Variants in PRH1 observed in about 807,000 individuals in gnomAD.
PRH1 encodes the protein salivary acidic proline-rich phosphoprotein 1/2.
A neutral mutation model predicts 7.9 loss-of-function variants in PRH1; 7 were observed. The observed-to-expected ratio is 0.89, with a 90% CI of 0.50 to 1.67. The LOEUF is 1.67. PRH1 is among the 40% of genes most tolerant of loss of function. The pLI is 0.00. For synonymous variants in PRH1, 45 were observed against 80.8 expected, an observed-to-expected ratio of 0.56 and a Z score of 2.38; for missense variants, 109 against 223.6, an observed-to-expected ratio of 0.49 and a Z score of 3.27.
intron 1 of PRH1, chr12:10,997,361 AT>A (rs766018634): frequency 5.6e-6 from 9 of 1,614,120 alleles, no homozygotes; most frequent in Non-Finnish European, 7.6e-6. Flanking sequence ...GGAAAGGTGC[AT>A]TGCATTCCTC....
At chr12:11,078,873 A>T (rs75668343) in intron 1 of PRH1, 1 of 151,752 alleles carries the variant, frequency 6.6e-6, no homozygotes, top group Admixed American at 6.6e-5. Flanking sequence ...ATAACCAATA[A>T]ATTGATATGA....
At chr12:10,922,839 T>TTTTTTTTTTTTTTTAA (rs1950068130) in intron 2 of PRH1, among the ~76,000 whole-genome samples, 1 of 127,696 alleles carries the variant, frequency 7.8e-6, no homozygotes, top group Admixed American at 8.2e-5. Context: ...TTCTTTTTTT[T>TTTTTTTTTTTTTTTAA]GAGACGGAGT....
intron 1 of PRH1, among the ~76,000 whole-genome samples, chr12:11,169,431 G>A (rs1177244306): frequency 6.6e-6 from 1 of 152,050 alleles, no homozygotes; most frequent in Non-Finnish European, 1.5e-5. Context: ...GCCTATTCCC[G>A]TCCCATTGGA....
Position 11,089,190 on chromosome 12 carries a change from C to G in PRH1, n.124-42002G>C, listed in dbSNP as rs1453837301. On this transcript the variant is annotated intron_variant and non_coding_transcript_variant, in intron 1 of 4. Coordinates refer to the PRH1 transcript ENST00000541977. ...CCTTGCCCGATCCAGGTCATCATTC[C>G]ATTTGGGACTTGAATGCATCACCAC... 1.7e-5 allele frequency among the ~76,000 whole-genome samples: 2 copies of G among 115,552 alleles called. 1 individual carries two copies. Among genetic ancestry groups the G allele is most frequent in the Non-Finnish European group, 4.1e-5 (2 of 48,840 alleles). The allele number at this position is 115,552 out of a possible 152,430, so 75.8% of individuals were successfully genotyped here.
intron 2 of PRH1, among the ~76,000 whole-genome samples, chr12:10,922,779 G>C (rs1327968619): frequency 1.3e-5 from 2 of 150,582 alleles, no homozygotes; most frequent in Non-Finnish European, 3.0e-5. Context: ...TGCATTGTTA[G>C]GTATGTCCAA....
At chr12:11,123,265 G>A (rs1269648528) in intron 1 of PRH1, among the ~76,000 whole-genome samples, 1 of 152,216 alleles carries the variant, frequency 6.6e-6, no homozygotes, top group East Asian at 1.9e-4. Context: ...TTATTTTTGA[G>A]CTATTATTAA....
downstream of PRH1, among the ~76,000 whole-genome samples, chr12:11,119,886 ATAAC>A (rs1945843416): frequency 6.6e-6 from 1 of 152,188 alleles, no homozygotes; most frequent in African/African-American, 2.4e-5. Context: ...ATATAAATAA[ATAAC>A]TAAATGTAAC....
In PRH1 at chr12:11,094,951, T is replaced by C. The variant is rs1945043713; in HGVS notation, n.124-47763A>G. 2.6e-5 allele frequency among the ~76,000 whole-genome samples: 2 copies of C among 76,736 alleles called. 1 individual carries two copies. The highest frequency in any genetic ancestry group is 6.0e-5 in the Non-Finnish European group (2 of 33,088). 50.3% of individuals were successfully genotyped at this position (76,736 alleles called of 152,430 possible). On this transcript the variant is annotated intron_variant and non_coding_transcript_variant, in intron 1 of 4. Transcript: ENST00000541977. The stretch of plus-strand genomic sequence containing the variant: ...TAATTTATAATGGTTATTTCCTCAA[T>C]TTTCTTCATACTTTACCAACTAGGT...
chr12:10,906,079 T>C (rs1565462176), intron 2 of PRH1, among the ~76,000 whole-genome samples: 1 of 152,268 alleles, frequency 6.6e-6, no homozygotes. Flanking sequence ...TACCTAACTT[T>C]TAAGCAAACC....
At chr12:10,985,167 A>G (rs574754679) in intron 1 of PRH1, among the ~76,000 whole-genome samples, 3 of 152,040 alleles carry the variant, frequency 2.0e-5, no homozygotes, top group Admixed American at 6.5e-5. Context: ...TTCTAACTGC[A>G]TGTTGAGACT....
chr12:11,169,914 T>C (rs140174096), intron 1 of PRH1, among the ~76,000 whole-genome samples: 67 of 152,344 alleles, frequency 4.4e-4, no homozygotes, highest in African/African-American at 1.5e-3. Context: ...CAGTGGCACG[T>C]TATTTCTACC....
upstream of PRH1, among the ~76,000 whole-genome samples, chr12:10,887,917 C>T (rs563628068): frequency 2.8e-5 from 3 of 107,518 alleles, no homozygotes; most frequent in East Asian, 4.2e-4. Context: ...TCTAAGAAGG[C>T]GCTTATTTTA....
chr12:10,947,792 C>T lies in PRH1; in HGVS notation c.-59+25863G>A, dbSNP rs560545137. On this transcript the variant is annotated intron_variant, in intron 2 of 3. Coordinates refer to the PRH1 transcript ENST00000539853. ...TGGTGTTCTTTTCTATACTAAGTGC[C>T]GCTTTCAAGATCTCTTGTAAGGCAG... Among the ~76,000 whole-genome samples the T allele has an allele frequency of 5.4e-4, 82 of 151,798 alleles. 1 individual carries two copies. Among genetic ancestry groups the T allele is most frequent in the Admixed American group, 1.4e-3 (22 of 15,256 alleles).
intron 1 of PRH1, among the ~76,000 whole-genome samples, chr12:11,143,478 C>T (rs1946766696): frequency 6.6e-6 from 1 of 152,064 alleles, no homozygotes; most frequent in South Asian, 2.1e-4. Context: ...AACCAGAAAA[C>T]AGATAACAAA....
intron 1 of PRH1, among the ~76,000 whole-genome samples, chr12:11,132,188 C>G (rs975540312): frequency 4.7e-5 from 4 of 84,598 alleles, no homozygotes; most frequent in African/African-American, 1.3e-4. Context: ...ATGAATATGT[C>G]AAGACAATTC....
chr12:11,008,999 A>T (rs1285555094), intron 1 of PRH1, among the ~76,000 whole-genome samples: 1 of 150,154 alleles, frequency 6.7e-6, no homozygotes, highest in African/African-American at 2.4e-5. Context: ...CTATTTGCAT[A>T]TATCTTATCA....
intron 1 of PRH1, among the ~76,000 whole-genome samples, chr12:11,168,255 A>G (rs191250265): frequency 0.071 from 2,603 of 36,786 alleles, 852 homozygotes; most frequent in East Asian, 0.17. Flanking sequence ...AAAGAAAGAA[A>G]GAAAGAAAGA....
chr12:11,038,620 T>C (rs1303683893), intron 1 of PRH1, among the ~76,000 whole-genome samples: 1 of 152,274 alleles, frequency 6.6e-6, no homozygotes, highest in Non-Finnish European at 1.5e-5. Flanking sequence ...CAGTCTTGTT[T>C]GTTAATTTTG....
chr12:11,130,279 G>A (rs1281568389), intron 1 of PRH1, among the ~76,000 whole-genome samples: 1 of 152,158 alleles, frequency 6.6e-6, no homozygotes, highest in African/African-American at 2.4e-5. Flanking sequence ...AATCAGAGAA[G>A]ATTCAGGGAC....
Sources: gnomAD v4.1 joint callset for allele counts (sites outside exome capture counted in the v4.1 genomes callset) on GRCh38, gnomAD v4.1.1 for gene constraint, MANE v1.5 for transcripts, NCBI Gene and HGNC (gene_info 2026-07-23, HGNC 2026-07-21) for gene names.